PRPSAP2: variants seen among roughly 807,000 people sequenced by gnomAD.
PRPSAP2 encodes phosphoribosyl pyrophosphate synthetase associated protein 2.
Under a neutral mutation model 40.6 loss-of-function variants are expected in PRPSAP2, and 24 were observed. The observed-to-expected ratio is 0.59, with a 90% confidence interval of 0.43 to 0.83. The LOEUF is 0.83. Among genes scored for constraint, PRPSAP2 ranks in the 40% least tolerant of loss-of-function variants. The probability of loss-of-function intolerance (pLI) is 0.00; values close to 1 mark genes in which losing one functional copy is unlikely to be tolerated. For synonymous variants in PRPSAP2, 149 were observed against 164.7 expected, an observed-to-expected ratio of 0.90 and a Z score of 0.73; for missense variants, 292 against 465.6, an observed-to-expected ratio of 0.63 and a Z score of 3.43.
At position 18,914,078 on chromosome 17, in the gene PRPSAP2, GC is replaced by G. The variant is rs548102441; in HGVS notation, c.733+2828del. Among the ~76,000 whole-genome samples, 249 of 151,436 alleles carry G rather than the reference GC, an allele frequency of 1.6e-3. 2 individuals carry two copies. Among genetic ancestry groups the G allele is most frequent in the African/African-American group, 5.6e-3 (232 of 41,314 alleles). Reference sequence around the variant, plus strand: ...AATCCCAACTACTCGGGAGGCTAAGGCAGGAGAATCACTTGAACCAGGGAGT... The same window carrying G: ...AATCCCAACTACTCGGGAGGCTAAGGAGGAGAATCACTTGAACCAGGGAGT... On this transcript the variant is annotated intron_variant, in intron 9 of 11. Transcript: ENST00000268835.
At chr17:18,897,441 T>A (rs902585053) in intron 8 of PRPSAP2, among the ~76,000 whole-genome samples, 8 of 147,502 alleles carry the variant, frequency 5.4e-5, no homozygotes, top group Non-Finnish European at 6.1e-5. Context: ...AGAGTGGTGC[T>A]TCTCTATAGT....
At chr17:18,894,774 C>T (rs151117374) in intron 8 of PRPSAP2, among the ~76,000 whole-genome samples, 9 of 152,298 alleles carry the variant, frequency 5.9e-5, no homozygotes, top group South Asian at 2.1e-4. Flanking sequence ...TGAGTCACCA[C>T]GCCCAGCCTT....
chr17:18,918,590 T>C (rs1372313969), intron 9 of PRPSAP2, among the ~76,000 whole-genome samples: 1 of 152,240 alleles, frequency 6.6e-6, no homozygotes, highest in Non-Finnish European at 1.5e-5. Flanking sequence ...AGGCTCTCGA[T>C]CCGGGCCATT....
chr17:18,926,873 T>G (rs953805947), intron 10 of PRPSAP2, among the ~76,000 whole-genome samples: 1 of 152,078 alleles, frequency 6.6e-6, no homozygotes, highest in African/African-American at 2.4e-5. Context: ...GACACAGAAT[T>G]GCTCCTTCAC....
Position 18,930,530 on chromosome 17 carries a change from TGC to T in PRPSAP2, c.952-9_952-8del. 1 of 1,606,064 alleles carries T rather than the reference TGC, an allele frequency of 6.2e-7. No homozygotes were observed. Among genetic ancestry groups the T allele is most frequent in the Admixed American group, 1.7e-5 (1 of 58,118 alleles). On this transcript the variant is annotated splice_region_variant and splice_polypyrimidine_tract_variant and intron_variant, in intron 11 of 11. Transcript: ENST00000268835. Reference sequence around the variant, plus strand: ...TCTGATGCTGTGGTTTTTTTTCTTTTGCTTCACAGGTGGTGGTCACCAATACA... The same window carrying T: ...TCTGATGCTGTGGTTTTTTTTCTTTTTTCACAGGTGGTGGTCACCAATACA...
At chr17:18,916,644 A>G (rs951978939) in intron 9 of PRPSAP2, among the ~76,000 whole-genome samples, 4 of 152,132 alleles carry the variant, frequency 2.6e-5, no homozygotes, top group African/African-American at 7.2e-5. Flanking sequence ...AGCCTCCCAA[A>G]GTACTGGAAT....
intron 5 of PRPSAP2, among the ~76,000 whole-genome samples, chr17:18,873,606 C>T (rs532030093): frequency 1.5e-3 from 228 of 152,296 alleles, no homozygotes; most frequent in Non-Finnish European, 2.6e-3. Flanking sequence ...TAGTTCCCTC[C>T]TCTCCCCAAA....
In PRPSAP2 at chr17:18,889,762, T is replaced by G; in HGVS notation, c.529-60T>G. On this transcript the variant is annotated intron_variant, in intron 7 of 11. Coordinates refer to ENST00000268835, the MANE Select transcript of PRPSAP2 (RefSeq NM_002767.4). ...TTTCAACTAGCCAAGCATTTTTGGG[T>G]CTGTTGGAATTTTCCTTTTTGTTGA... The G allele has an allele frequency of 3.7e-6, 5 of 1,352,004 alleles. No homozygotes were observed. In the South Asian group the frequency reaches 5.8e-5, roughly 16 times the overall value. The allele number at this position is 1,352,004 out of a possible 1,614,324, so 83.8% of individuals were successfully genotyped here. A position where few individuals can be genotyped will look rare whatever the true frequency, so the allele number is the denominator to read the frequency against.
At chr17:18,890,279 C>G (rs547638274) in intron 8 of PRPSAP2, among the ~76,000 whole-genome samples, 1 of 152,066 alleles carries the variant, frequency 6.6e-6, no homozygotes, top group Non-Finnish European at 1.5e-5. Flanking sequence ...AAGCGATTCT[C>G]CTGCCTCAGC....
chr17:18,911,305 A>T lies in PRPSAP2; in HGVS notation c.733+54A>T, dbSNP rs1225054850. The T allele has an allele frequency of 1.1e-5, 16 of 1,460,922 alleles. No homozygotes were observed. In the East Asian group the frequency reaches 3.6e-4, roughly 33 times the overall value. The allele number at this position is 1,460,922 out of a possible 1,614,324, so 90.5% of individuals were successfully genotyped here. A position where few individuals can be genotyped will look rare whatever the true frequency, so the allele number is the denominator to read the frequency against. The stretch of plus-strand genomic sequence containing the variant: ...TTCCTCTGATTTTAAGGCTGACTAC[A>T]CTGTTGTCTGTGTGGTTTTTTTCCT... On this transcript the variant is annotated intron_variant, in intron 9 of 11. Transcript: ENST00000268835. The surrounding 1 kb of genome is among the most constrained non-coding windows in gnomAD (Gnocchi z 4.5).
At chr17:18,870,534 A>T (rs2037780444) in intron 4 of PRPSAP2, among the ~76,000 whole-genome samples, 1 of 152,040 alleles carries the variant, frequency 6.6e-6, no homozygotes, top group South Asian at 2.1e-4. Flanking sequence ...CAGGCAGGGC[A>T]TGGTGGCTCA....
chr17:18,870,211 A>G (rs1358457111), intron 4 of PRPSAP2, among the ~76,000 whole-genome samples: 1 of 152,136 alleles, frequency 6.6e-6, no homozygotes, highest in Admixed American at 6.6e-5. Flanking sequence ...ACATTTTGCC[A>G]TATGAATATG....
chr17:18,917,578 ATTATTATTTTTTTTTTTTTTT>A (rs2041416355), intron 9 of PRPSAP2: 2 of 33,616 alleles, frequency 5.9e-5, no homozygotes, highest in African/African-American at 2.5e-4. Context: ...TATTATTATT[ATTATTATTTTTTTTTTTTTTT>A]TTTTTTTTTT....
At chr17:18,857,499 T>C (rs1422532219), upstream of PRPSAP2, among the ~76,000 whole-genome samples, 2 of 149,010 alleles carry the variant, frequency 1.3e-5, no homozygotes, top group South Asian at 2.2e-4. Context: ...CTGCAACCTC[T>C]GCCTCCCGGG....
intron 10 of PRPSAP2, 103 bp downstream of exon 10, chr17:18,924,087 T>A (rs976321302): frequency 6.3e-6 from 7 of 1,113,576 alleles, no homozygotes; most frequent in Non-Finnish European, 9.1e-6. Context: ...TCGCCCAGGC[T>A]GGAGTGCAGT....
chr17:18,913,541 CTTTTTTTTTTT>C (rs35697920), intron 9 of PRPSAP2, among the ~76,000 whole-genome samples: 17 of 73,952 alleles, frequency 2.3e-4, no homozygotes, highest in Non-Finnish European at 1.5e-4. Flanking sequence ...GCGTCTGGTT[CTTTTTTTTTTT>C]TTTTTTTTTT....
intron 8 of PRPSAP2, among the ~76,000 whole-genome samples, chr17:18,909,344 C>G (rs550498075): frequency 4.0e-5 from 6 of 151,894 alleles, no homozygotes; most frequent in Admixed American, 3.9e-4. Flanking sequence ...CAGGTTCACG[C>G]CATTCTCCTG....
At chr17:18,899,470 T>A (rs2040126582) in intron 8 of PRPSAP2, among the ~76,000 whole-genome samples, 1 of 151,698 alleles carries the variant, frequency 6.6e-6, no homozygotes, top group Admixed American at 6.6e-5. Context: ...TGACCTCCAT[T>A]ATTATTTTCA....
At chr17:18,880,806 G>A (rs1468825461) in intron 6 of PRPSAP2, among the ~76,000 whole-genome samples, 1 of 151,986 alleles carries the variant, frequency 6.6e-6, no homozygotes, top group Non-Finnish European at 1.5e-5. Flanking sequence ...CTGTATTACT[G>A]TTATCTTTGC....
Sources: gnomAD v4.1 joint callset for allele counts (sites outside exome capture counted in the v4.1 genomes callset) on GRCh38, gnomAD v4.1.1 for gene constraint, Gnocchi (gnomAD v3.1) non-coding constraint, MANE v1.5 for transcripts, NCBI Gene and HGNC (gene_info 2026-07-23, HGNC 2026-07-21) for gene names.